ERGIC2: variants seen among roughly 807,000 people sequenced by gnomAD.
ERGIC2 encodes the protein endoplasmic reticulum-Golgi intermediate compartment protein 2.
ERGIC2 carries 31 observed loss-of-function variants against 52.5 expected under a neutral mutation model. The ratio of observed to expected loss-of-function variants is 0.59; its 90% confidence interval spans 0.44 to 0.80. The LOEUF (loss-of-function observed/expected upper bound fraction) is 0.80. Ranked by LOEUF, ERGIC2 falls within the 30% of genes least tolerant of loss-of-function variation. ERGIC2 has a pLI of 0.00. For missense variants in ERGIC2, 395 were observed against 455.2 expected, an observed-to-expected ratio of 0.87 and a Z score of 1.20; for synonymous variants, 129 against 140.6, an observed-to-expected ratio of 0.92 and a Z score of 0.58.
chr12:29,368,442 T>C (rs541263871), intron 3 of ERGIC2, among the ~76,000 whole-genome samples, 155 bp from the exon 4 acceptor site: 1 of 151,980 alleles, frequency 6.6e-6, no homozygotes, highest in Non-Finnish European at 1.5e-5. Flanking sequence ...AAACAAAGGC[T>C]CTTTAAATTA....
intron 5 of ERGIC2, among the ~76,000 whole-genome samples, chr12:29,363,364 G>C (rs1449386655): frequency 2.0e-5 from 3 of 151,690 alleles, no homozygotes; most frequent in Non-Finnish European, 4.4e-5. Context: ...AAAATAATGA[G>C]TGAAAAATTT....
rs757646408 is a variant in ERGIC2, at chr12:29,371,682, ATAAAT to A, written c.-37-17_-37-13del. 1 of 1,189,422 alleles carries A rather than the reference ATAAAT, an allele frequency of 8.4e-7. No homozygotes were observed. Among genetic ancestry groups the A allele is most frequent in the Non-Finnish European group, 1.2e-6 (1 of 807,224 alleles). 73.7% of individuals were successfully genotyped at this position (1,189,422 alleles called of 1,614,324 possible). Reference sequence around the variant, plus strand: ...TTCATATAGTCATGCTAAGGAATAAATAAATTAATGAATAAATGAATCCTTTAAAG... The same window carrying A: ...TTCATATAGTCATGCTAAGGAATAAATAATGAATAAATGAATCCTTTAAAG... On this transcript the variant is annotated splice_polypyrimidine_tract_variant and intron_variant, in intron 1 of 13. Transcript: ENST00000360150.
intron 5 of ERGIC2, among the ~76,000 whole-genome samples, chr12:29,365,251 T>C (rs1184233113): frequency 6.6e-6 from 1 of 152,134 alleles, no homozygotes; most frequent in East Asian, 1.9e-4. Flanking sequence ...GTGGTATACA[T>C]GCACCAGGGA....
At chr12:29,367,003 C>A (rs1239658672) in intron 4 of ERGIC2, 56 bp from the exon 5 acceptor site, 9 of 1,078,006 alleles carry the variant, frequency 8.3e-6, no homozygotes, top group South Asian at 3.3e-5. Context: ...GCAAACCATC[C>A]CCAATATAAA....
chr12:29,367,115 C>A (rs1410986561), intron 4 of ERGIC2, among the ~76,000 whole-genome samples, 168 bp from the exon 5 acceptor site: 2 of 146,804 alleles, frequency 1.4e-5, no homozygotes, highest in Admixed American at 6.8e-5. Flanking sequence ...AAAGCTAAAA[C>A]AGTAGCCTTA....
chr12:29,366,731 A>T, intron 5 of ERGIC2, 146 bp downstream of exon 5: 1 of 463,802 alleles, frequency 2.2e-6, no homozygotes. Flanking sequence ...TTTCCCCCTA[A>T]ATTTATTACA....
At chr12:29,344,412 C>A (rs953696678) in intron 11 of ERGIC2, among the ~76,000 whole-genome samples, 2 of 152,184 alleles carry the variant, frequency 1.3e-5, no homozygotes, top group African/African-American at 4.8e-5. Context: ...GTCTTCTCAA[C>A]TGTATGTATT....
chr12:29,366,355 G>A (rs1200504395), intron 5 of ERGIC2, among the ~76,000 whole-genome samples: 1 of 151,862 alleles, frequency 6.6e-6, no homozygotes, highest in Non-Finnish European at 1.5e-5. Flanking sequence ...GAAAATGTCA[G>A]CATTTCACAC....
intron 1 of ERGIC2, among the ~76,000 whole-genome samples, chr12:29,377,610 A>C (rs1185507412): frequency 6.6e-6 from 1 of 152,224 alleles, no homozygotes; most frequent in Non-Finnish European, 1.5e-5. Flanking sequence ...TTCAATCTGC[A>C]ACTGGTTGAG....
At chr12:29,353,321 A>C (rs3782513) in intron 8 of ERGIC2, among the ~76,000 whole-genome samples, 53,537 of 152,022 alleles carry the variant, frequency 0.35, 11,309 homozygotes, top group African/African-American at 0.6. Context: ...ATAAATTATT[A>C]CTAGCTCCAA....
At chr12:29,372,901 C>T (rs573636745) in intron 1 of ERGIC2, 7 of 152,050 alleles carry the variant, frequency 4.6e-5, no homozygotes, top group Admixed American at 3.9e-4. Context: ...AAGCCTTCCA[C>T]CCACCTCGGC....
chr12:29,342,236 C>A (rs1216162942), intron 12 of ERGIC2, among the ~76,000 whole-genome samples: 1 of 152,192 alleles, frequency 6.6e-6, no homozygotes, highest in East Asian at 1.9e-4. Flanking sequence ...TGATCTGGAA[C>A]TTCTGGCCTC....
intron 6 of ERGIC2, among the ~76,000 whole-genome samples, chr12:29,359,192 T>C (rs1436612200): frequency 2.0e-5 from 3 of 151,800 alleles, no homozygotes; most frequent in Non-Finnish European, 4.4e-5. Context: ...CTAGGATGCT[T>C]CAAGAAGCCA....
chr12:29,365,222 T>TAC (rs1565542557), intron 5 of ERGIC2, among the ~76,000 whole-genome samples: 1 of 152,058 alleles, frequency 6.6e-6, no homozygotes. Flanking sequence ...TCATCAGTGG[T>TAC]ACATGGGATA....
intron 10 of ERGIC2, among the ~76,000 whole-genome samples, chr12:29,347,040 G>T (rs1940062436): frequency 6.6e-6 from 1 of 152,276 alleles, no homozygotes; most frequent in East Asian, 1.9e-4. Flanking sequence ...GGGGAATATG[G>T]TCTTAAATTT....
intron 11 of ERGIC2, 150 bp from the exon 12 acceptor site, chr12:29,343,432 G>C (rs1438222159): frequency 4.3e-6 from 2 of 465,710 alleles, no homozygotes; most frequent in Admixed American, 4.0e-5. Context: ...TGTCCTACTA[G>C]ACTAAGCTCT....
At chr12:29,365,416 A>G (rs558170264) in intron 5 of ERGIC2, among the ~76,000 whole-genome samples, 8 of 152,142 alleles carry the variant, frequency 5.3e-5, no homozygotes, top group African/African-American at 2.4e-5. Context: ...GGGTACTCAT[A>G]GACATAAAAA....
At chr12:29,343,902 G>A (rs1949858084) in intron 11 of ERGIC2, among the ~76,000 whole-genome samples, 1 of 152,064 alleles carries the variant, frequency 6.6e-6, no homozygotes, top group Non-Finnish European at 1.5e-5. Context: ...ACTAATGAAT[G>A]TCAGCCCTCT....
In ERGIC2 at chr12:29,356,919, T is replaced by C. The variant is rs557328860; in HGVS notation, c.477-442A>G. Among the ~76,000 whole-genome samples the C allele has an allele frequency of 3.9e-5, 6 of 152,274 alleles. 1 individual carries two copies. The Middle Eastern group carries it at 0.02, about 518-fold the overall frequency. On this transcript the variant is annotated intron_variant, in intron 7 of 13. Transcript: ENST00000360150. ...CTTCCTAAGCAAATGTAAAATCTTG[T>C]ATATTTTTATTATGTTTATGATTAT...
Sources: allele counts gnomAD v4.1 joint callset (sites outside exome capture counted in the v4.1 genomes callset), GRCh38; gene constraint gnomAD v4.1.1; transcripts MANE v1.5; gene names NCBI Gene and HGNC (gene_info 2026-07-23, HGNC 2026-07-21).